KHDC1: variants seen among roughly 807,000 people sequenced by gnomAD.
KHDC1 encodes the protein KH domain containing 1, also known as KH homology domain-containing protein 1.
KHDC1 carries 21 observed loss-of-function variants against 24.7 expected under a neutral mutation model. That is an observed-to-expected ratio of 0.85 (90% confidence interval 0.60 to 1.23). The LOEUF is 1.23. Among genes scored for constraint, KHDC1 ranks in the 50% most tolerant of loss-of-function variants. The pLI, the probability that KHDC1 is intolerant of heterozygous loss-of-function variation, is 0.00. For missense variants in KHDC1, 274 were observed against 298.5 expected, an observed-to-expected ratio of 0.92 and a Z score of 0.61; for synonymous variants, 98 against 111.7, an observed-to-expected ratio of 0.88 and a Z score of 0.77.
In KHDC1 at chr6:73,247,055, G is replaced by A. The variant is rs141317512; in HGVS notation, c.207-4525C>T. ...TGCAATGGCATGATCTCGGCTCACT[G>A]TACCCTCTGCCTCCTGGGTTCAAGC... On this transcript the variant is annotated intron_variant, in intron 2 of 4. Transcript: ENST00000370384. 2.0e-5 allele frequency among the ~76,000 whole-genome samples: 3 copies of A among 151,402 alleles called. No individual in the cohort carries two copies. In the East Asian group the frequency reaches 5.8e-4, roughly 29 times the overall value.
chr6:73,241,787 G>C (rs1314459356), intron 4 of KHDC1, 59 bp from the exon 4 acceptor site: 9 of 1,574,062 alleles, frequency 5.7e-6, no homozygotes, highest in African/African-American at 1.4e-5. Context: ...CCCATTGGCA[G>C]GCCTGGACTC....
At chr6:73,269,873 T>C (rs534041896) in intron 2 of KHDC1, 1 of 152,314 alleles carries the variant, frequency 6.6e-6, no homozygotes, top group Non-Finnish European at 1.5e-5. Context: ...ACTCCAGTTA[T>C]CTTCCCACCT....
chr6:73,287,471 G>T (rs538773050), intron 2 of KHDC1, among the ~76,000 whole-genome samples: 8 of 152,340 alleles, frequency 5.3e-5, no homozygotes, highest in African/African-American at 1.9e-4. Flanking sequence ...AAGGCTAGAT[G>T]ATTAGGCTGG....
chr6:73,309,857 C>T (rs1006980120), exon 1 of KHDC1: 32 of 969,118 alleles, frequency 3.3e-5, no homozygotes, highest in African/African-American at 6.7e-5. Context: ...AGGGCCACTT[C>T]GGGTCGGGGT....
chr6:73,249,384 C>A (rs62411447), intron 2 of KHDC1, among the ~76,000 whole-genome samples: 2 of 151,982 alleles, frequency 1.3e-5, no homozygotes, highest in Non-Finnish European at 2.9e-5. Flanking sequence ...CAGCTGGTGC[C>A]GCTGGAAAAA....
chr6:73,255,199 T>TAA (rs1453027806), intron 2 of KHDC1, among the ~76,000 whole-genome samples: 1 of 137,774 alleles, frequency 7.3e-6, no homozygotes, highest in Non-Finnish European at 1.6e-5. Context: ...ATTGGTTTAC[T>TAA]AAAAAAAAAA....
intron 1 of KHDC1, among the ~76,000 whole-genome samples, chr6:73,295,951 G>A (rs1317000407): frequency 6.8e-6 from 1 of 146,058 alleles, no homozygotes; most frequent in Non-Finnish European, 1.5e-5. Flanking sequence ...AGACCAGCCT[G>A]CCCAACATGG....
intron 2 of KHDC1, among the ~76,000 whole-genome samples, chr6:73,283,667 G>GTC (rs1767458962): frequency 6.9e-6 from 1 of 145,602 alleles, no homozygotes; most frequent in Non-Finnish European, 1.5e-5. Flanking sequence ...TGGAGACAGA[G>GTC]TCTCTCTCTG....
intron 2 of KHDC1, among the ~76,000 whole-genome samples, chr6:73,252,371 T>C (rs928713495): frequency 6.6e-6 from 1 of 152,190 alleles, no homozygotes; most frequent in Non-Finnish European, 1.5e-5. Context: ...AATAATTTCA[T>C]TGAAAATTTT....
At position 73,295,654 on chromosome 6, in the gene KHDC1, T is replaced by C. The variant is rs1003894396; in HGVS notation, c.164-3614A>G. ...TGAGGTCAGGAGTTCGACACCCGCC[T>C]GGCTAACATGGTGAAACCCCATCTT... On this transcript the variant is annotated intron_variant, in intron 1 of 4. Coordinates refer to ENST00000370384, the Ensembl canonical transcript of KHDC1. Among the ~76,000 whole-genome samples, 3 of 151,902 alleles carry C rather than the reference T, an allele frequency of 2.0e-5. No individual in the cohort carries two copies. The East Asian group carries it at 5.8e-4, about 29-fold the overall frequency.
intron 2 of KHDC1, among the ~76,000 whole-genome samples, chr6:73,255,047 A>G (rs1766856793): frequency 6.6e-6 from 1 of 151,776 alleles, no homozygotes; most frequent in Non-Finnish European, 1.5e-5. Flanking sequence ...AAGAAATGAT[A>G]CTGTATAGCT....
intron 2 of KHDC1, 137 bp downstream of exon 1, chr6:73,262,637 G>T: frequency 1.6e-6 from 1 of 636,884 alleles, no homozygotes; most frequent in Non-Finnish European, 1.9e-6. Context: ...CACACGATCT[G>T]TTTTAATTTT....
intron 1 of KHDC1, among the ~76,000 whole-genome samples, chr6:73,307,349 C>T (rs1303749486): frequency 8.6e-5 from 13 of 152,030 alleles, no homozygotes; most frequent in Admixed American, 2.6e-4. Context: ...TGCTTGAACC[C>T]GGGAGGCGGA....
chr6:73,309,217 C>T (rs1468304850), intron 1 of KHDC1, among the ~76,000 whole-genome samples: 1 of 152,242 alleles, frequency 6.6e-6, no homozygotes, highest in Non-Finnish European at 1.5e-5. Context: ...AGTGACGGGG[C>T]AGACCCGCAA....
At chr6:73,277,082 T>C (rs1207451212) in intron 2 of KHDC1, among the ~76,000 whole-genome samples, 2 of 152,214 alleles carry the variant, frequency 1.3e-5, no homozygotes, top group Non-Finnish European at 1.5e-5. Context: ...CTTTCATTAA[T>C]GCTAGTTTTG....
intron 1 of KHDC1, among the ~76,000 whole-genome samples, chr6:73,307,964 GCAAT>G (rs1465034534): frequency 6.6e-6 from 1 of 151,848 alleles, no homozygotes; most frequent in African/African-American, 2.4e-5. Flanking sequence ...CAGTAATGGT[GCAAT>G]CCCTGCTTAC....
At chr6:73,249,931 A>C (rs1766748361) in intron 2 of KHDC1, among the ~76,000 whole-genome samples, 1 of 152,162 alleles carries the variant, frequency 6.6e-6, no homozygotes, top group Non-Finnish European at 1.5e-5. Flanking sequence ...TAGAGTACTT[A>C]AAAAGCAGGA....
At chr6:73,292,058 A>G (rs1212151831) in intron 1 of KHDC1, 2 of 1,613,772 alleles carry the variant, frequency 1.2e-6, no homozygotes, top group African/African-American at 1.3e-5. Context: ...GGAGATATAT[A>G]AAGAAAAGGA....
intron 1 of KHDC1, among the ~76,000 whole-genome samples, chr6:73,293,757 C>T (rs1328091297): frequency 6.8e-6 from 1 of 146,276 alleles, no homozygotes; most frequent in East Asian, 2.0e-4. Context: ...GTAATCCCAG[C>T]ACTTTGGGAG....
Sources: gnomAD v4.1 joint callset for allele counts (sites outside exome capture counted in the v4.1 genomes callset) on GRCh38, gnomAD v4.1.1 for gene constraint, MANE v1.5 for transcripts, NCBI Gene and HGNC (gene_info 2026-07-23, HGNC 2026-07-21) for gene names.